The following ZSWIM6 variants were observed in gnomAD, a reference collection of about 807,000 sequenced individuals.
ZSWIM6 encodes zinc finger SWIM domain-containing protein 6.
A neutral mutation model predicts 113.2 loss-of-function variants in ZSWIM6; 9 were observed. The ratio of observed to expected loss-of-function variants is 0.08; its 90% CI spans 0.05 to 0.14. The LOEUF is 0.14. ZSWIM6 is among the 10% of genes least tolerant of loss of function. The pLI, the probability that ZSWIM6 is intolerant of heterozygous loss-of-function variation, is 1.00. For missense variants in ZSWIM6, 1,162 were observed against 1,552.2 expected, an observed-to-expected ratio of 0.75 and a Z score of 4.22; for synonymous variants, 611 against 606.5, an observed-to-expected ratio of 1.01 and a Z score of -0.11.
In ZSWIM6 at chr5:61,521,251, C is replaced by T. The variant is rs922526155; in HGVS notation, c.1334-12C>T. The T allele has an allele frequency of 3.8e-6, 5 of 1,299,218 alleles. No individual in the cohort carries two copies. Among genetic ancestry groups the T allele is most frequent in the Middle Eastern group, 2.0e-4 (1 of 5,082 alleles). The allele number at this position is 1,299,218 out of a possible 1,614,324, so 80.5% of individuals were successfully genotyped here. A position where few individuals can be genotyped will look rare whatever the true frequency, so the allele number is the denominator to read the frequency against. On this transcript the variant is annotated splice_polypyrimidine_tract_variant and intron_variant, in intron 4 of 13. Coordinates refer to ENST00000252744, the MANE Select transcript of ZSWIM6 (RefSeq NM_020928.2). ...TTTTGAACATTTATTTTCCTTTCCT[C>T]CTTTAAATTAGGTGCTCTGTGGATG...
intron 1 of ZSWIM6, among the ~76,000 whole-genome samples, chr5:61,393,545 C>T (rs932846856): frequency 1.3e-5 from 2 of 151,844 alleles, no homozygotes; most frequent in Non-Finnish European, 2.9e-5. Flanking sequence ...TTATAGTCAG[C>T]GCTCCCAGAA....
intron 1 of ZSWIM6, among the ~76,000 whole-genome samples, chr5:61,444,477 TG>T (rs1746907842): frequency 6.6e-6 from 1 of 152,204 alleles, no homozygotes; most frequent in African/African-American, 2.4e-5. Context: ...ATGGGATTGC[TG>T]GGTCAAATGG....
intron 1 of ZSWIM6, among the ~76,000 whole-genome samples, chr5:61,409,394 A>G (rs1453288444): frequency 6.6e-6 from 1 of 152,234 alleles, no homozygotes; most frequent in African/African-American, 2.4e-5. Context: ...TTTGTAAAGC[A>G]AAAGATCAAA....
At chr5:61,448,730 G>A (rs1214363842) in intron 1 of ZSWIM6, among the ~76,000 whole-genome samples, 1 of 151,940 alleles carries the variant, frequency 6.6e-6, no homozygotes, top group African/African-American at 2.4e-5. Flanking sequence ...AATATATGGG[G>A]GTATGATAAG....
chr5:61,435,650 T>C (rs1746690434), intron 1 of ZSWIM6, among the ~76,000 whole-genome samples: 1 of 152,268 alleles, frequency 6.6e-6, no homozygotes, highest in Non-Finnish European at 1.5e-5. Flanking sequence ...TAAATCAGGA[T>C]AACTATTCCA....
chr5:61,447,425 T>C (rs1184896545), intron 1 of ZSWIM6, among the ~76,000 whole-genome samples: 1 of 152,166 alleles, frequency 6.6e-6, no homozygotes, highest in African/African-American at 2.4e-5. Context: ...TCTCAGTCAG[T>C]TGGGCTTGTT....
chr5:61,435,366 TAACC>T (rs1746683894), intron 1 of ZSWIM6, among the ~76,000 whole-genome samples: 1 of 152,196 alleles, frequency 6.6e-6, no homozygotes, highest in Admixed American at 6.5e-5. Context: ...CACAGACAAG[TAACC>T]AGATGGTAGT....
intron 1 of ZSWIM6, among the ~76,000 whole-genome samples, chr5:61,382,726 A>G (rs554876766): frequency 6.6e-6 from 1 of 152,156 alleles, no homozygotes; most frequent in African/African-American, 2.4e-5. Flanking sequence ...GATCACTTTA[A>G]TCTGGGAGGT....
intron 1 of ZSWIM6, among the ~76,000 whole-genome samples, chr5:61,340,842 C>G (rs1468285602): frequency 6.6e-6 from 1 of 152,114 alleles, no homozygotes; most frequent in Non-Finnish European, 1.5e-5. Context: ...TAGTTTCAGG[C>G]TAAATTCTAA....
intron 1 of ZSWIM6, among the ~76,000 whole-genome samples, chr5:61,406,774 A>G (rs1187247377): frequency 6.6e-6 from 1 of 151,938 alleles, no homozygotes; most frequent in Non-Finnish European, 1.5e-5. Context: ...GTGCAGTGAC[A>G]TGATCTCGGC....
chr5:61,493,903 C>T (rs1206165078), intron 3 of ZSWIM6, among the ~76,000 whole-genome samples: 2 of 151,980 alleles, frequency 1.3e-5, no homozygotes, highest in Non-Finnish European at 2.9e-5. Flanking sequence ...ATATGAAACA[C>T]GATTTACTCA....
At chr5:61,403,950 T>C (rs1481421739) in intron 1 of ZSWIM6, among the ~76,000 whole-genome samples, 1 of 152,150 alleles carries the variant, frequency 6.6e-6, no homozygotes, top group Non-Finnish European at 1.5e-5. Flanking sequence ...CTTCCCAGGA[T>C]GAATTAGGTG....
intron 1 of ZSWIM6, among the ~76,000 whole-genome samples, chr5:61,402,800 T>C (rs1745964709): frequency 1.3e-5 from 2 of 152,234 alleles, no homozygotes; most frequent in Non-Finnish European, 2.9e-5. Flanking sequence ...ATTTAGAATT[T>C]GTATTTTTGG....
At chr5:61,521,120 G>T in intron 4 of ZSWIM6, 143 bp from the exon 5 acceptor site, 2 of 367,356 alleles carry the variant, frequency 5.4e-6, no homozygotes, top group Non-Finnish European at 8.1e-6. Flanking sequence ...TAATTAACTT[G>T]ATAATTTAAA....
chr5:61,413,242 A>G (rs977102062), intron 1 of ZSWIM6, among the ~76,000 whole-genome samples: 1 of 135,276 alleles, frequency 7.4e-6, no homozygotes, highest in African/African-American at 2.8e-5. Context: ...CTCATTGTTC[A>G]ATTGCCATCT....
intron 1 of ZSWIM6, among the ~76,000 whole-genome samples, chr5:61,357,854 A>G (rs1744947324): frequency 6.6e-6 from 1 of 151,956 alleles, no homozygotes; most frequent in East Asian, 1.9e-4. Context: ...ACCTTACCTT[A>G]CACCTTTGAA....
At chr5:61,391,087 A>G in intron 1 of ZSWIM6, 1 of 740,962 alleles carries the variant, frequency 1.3e-6, no homozygotes, top group East Asian at 2.5e-5. Flanking sequence ...AGGTAAGGCC[A>G]CAGGGGCAGG....
intron 1 of ZSWIM6, among the ~76,000 whole-genome samples, chr5:61,435,790 A>G (rs968645948): frequency 6.6e-6 from 1 of 151,768 alleles, no homozygotes; most frequent in Non-Finnish European, 1.5e-5. Context: ...GAGAGCTTAG[A>G]TTTTTTTTTA....
At chr5:61,426,431 C>G (rs997229898) in intron 1 of ZSWIM6, among the ~76,000 whole-genome samples, 1 of 152,166 alleles carries the variant, frequency 6.6e-6, no homozygotes, top group African/African-American at 2.4e-5. Flanking sequence ...CACATACATA[C>G]GCACTTATAT....
Sources: allele counts gnomAD v4.1 joint callset (sites outside exome capture counted in the v4.1 genomes callset), GRCh38; gene constraint gnomAD v4.1.1; transcripts MANE v1.5; gene names NCBI Gene and HGNC (gene_info 2026-07-23, HGNC 2026-07-21).